The following CARMIL1 variants were observed in gnomAD, a reference collection of about 807,000 sequenced individuals.
CARMIL1 encodes the protein F-actin-uncapping protein LRRC16A.
A neutral mutation model predicts 177.1 loss-of-function variants in CARMIL1; 90 were observed. The observed-to-expected ratio is 0.51, with a 90% CI of 0.43 to 0.61. CARMIL1 has a LOEUF of 0.61. CARMIL1 is among the 20% of genes least tolerant of loss of function. CARMIL1 has a pLI of 0.00. For synonymous variants in CARMIL1, 577 were observed against 606.2 expected (o/e 0.95, Z 0.71); for missense variants, 1,380 against 1,667.0 (o/e 0.83, Z 3.00).
chr6:25,314,181 G>T (rs1403035548), intron 2 of CARMIL1, among the ~76,000 whole-genome samples: 1 of 135,558 alleles, frequency 7.4e-6, no homozygotes, highest in Non-Finnish European at 1.6e-5. Context: ...TTATGCTGTG[G>T]CTCCTGACCT....
intron 30 of CARMIL1, 101 bp from the exon 31 acceptor site, chr6:25,581,142 C>G: frequency 7.7e-7 from 1 of 1,300,934 alleles, no homozygotes; most frequent in Non-Finnish European, 1.1e-6. Flanking sequence ...GTTTGCTATT[C>G]TATGCTAGAC....
chr6:25,589,113 G>A (rs1814059973), intron 31 of CARMIL1, among the ~76,000 whole-genome samples: 1 of 152,178 alleles, frequency 6.6e-6, no homozygotes, highest in Admixed American at 6.5e-5. Context: ...CTCATCTGGT[G>A]CTTAAAAATC....
At chr6:25,505,270 C>G (rs1056849782) in intron 17 of CARMIL1, among the ~76,000 whole-genome samples, 15 of 152,128 alleles carry the variant, frequency 9.9e-5, no homozygotes, top group Non-Finnish European at 1.2e-4. Context: ...GATCCTTATT[C>G]ATTCTCAAAG....
intron 13 of CARMIL1, among the ~76,000 whole-genome samples, chr6:25,489,727 A>AT (rs962153741): frequency 8.6e-5 from 13 of 151,098 alleles, no homozygotes; most frequent in Middle Eastern, 6.8e-3. Flanking sequence ...GCCTTTTTGT[A>AT]TTTTTTTTTC....
intron 11 of CARMIL1, among the ~76,000 whole-genome samples, chr6:25,473,440 A>G (rs1801253910): frequency 6.6e-6 from 1 of 152,228 alleles, no homozygotes; most frequent in Non-Finnish European, 1.5e-5. Context: ...TTTGTATGTT[A>G]TATGTATTAT....
At chr6:25,505,087 T>C (rs892215900) in intron 17 of CARMIL1, among the ~76,000 whole-genome samples, 3 of 152,192 alleles carry the variant, frequency 2.0e-5, no homozygotes, top group African/African-American at 7.2e-5. Flanking sequence ...TTTATAAATA[T>C]TCAGTCTTTA....
intron 2 of CARMIL1, among the ~76,000 whole-genome samples, chr6:25,355,763 A>G (rs1345443118): frequency 6.6e-6 from 1 of 152,186 alleles, no homozygotes; most frequent in Non-Finnish European, 1.5e-5. Context: ...TTCAATTTAA[A>G]ATTTTTTAAT....
intron 2 of CARMIL1, among the ~76,000 whole-genome samples, chr6:25,352,456 A>G (rs543376975): frequency 6.6e-6 from 1 of 152,278 alleles, no homozygotes; most frequent in South Asian, 2.1e-4. Context: ...GTTAACTACT[A>G]GAGAAACCTT....
rs1001116231 is a variant in CARMIL1 at position 25,563,182 on chromosome 6, T to C, written c.2742+6332T>C. The C allele has an allele frequency of 1.4e-5, 14 of 978,402 alleles. No individual in the cohort carries two copies. In the Admixed American group the frequency reaches 1.8e-4, roughly 13 times the overall value. 60.6% of individuals were successfully genotyped at this position (978,402 alleles called of 1,614,324 possible). A position where few individuals can be genotyped will look rare whatever the true frequency, so the allele number is the denominator to read the frequency against. On this transcript the variant is annotated intron_variant, in intron 29 of 36. Transcript: ENST00000329474. Reference sequence around the variant, plus strand: ...AGTGAAATAATTTCTCTAAACTCAGTCTTACTTTTCCTCCCTTAGAAACCT... The same window carrying C: ...AGTGAAATAATTTCTCTAAACTCAGCCTTACTTTTCCTCCCTTAGAAACCT...
chr6:25,587,050 G>A (rs1377662476), intron 31 of CARMIL1, among the ~76,000 whole-genome samples: 1 of 141,022 alleles, frequency 7.1e-6, no homozygotes, highest in Non-Finnish European at 1.5e-5. Flanking sequence ...GGAGAGGGAG[G>A]GGGAGGGGGA....
chr6:25,393,556 C>CA (rs201908574), intron 2 of CARMIL1: 423 of 91,678 alleles, frequency 4.6e-3, no homozygotes, highest in Middle Eastern at 0.018. Flanking sequence ...AACTCCATCT[C>CA]AAAAAAAAAA....
chr6:25,470,070 G>A (rs1800968083), intron 9 of CARMIL1, among the ~76,000 whole-genome samples: 1 of 151,868 alleles, frequency 6.6e-6, no homozygotes, highest in Admixed American at 6.5e-5. Context: ...ATGCATAATA[G>A]TTATATAACT....
At chr6:25,325,271 C>T (rs1340809489) in intron 2 of CARMIL1, among the ~76,000 whole-genome samples, 1 of 152,084 alleles carries the variant, frequency 6.6e-6, no homozygotes, top group East Asian at 1.9e-4. Context: ...TTATGTGAGG[C>T]AGAAGTGTAT....
chr6:25,503,430 T>C (rs538041490), intron 17 of CARMIL1, among the ~76,000 whole-genome samples: 1 of 152,342 alleles, frequency 6.6e-6, no homozygotes, highest in Non-Finnish European at 1.5e-5. Flanking sequence ...GGTTTCAGTT[T>C]GCTTCTCTTC....
intron 36 of CARMIL1, among the ~76,000 whole-genome samples, chr6:25,618,384 G>A (rs1759461154): frequency 1.3e-5 from 2 of 152,128 alleles, no homozygotes; most frequent in South Asian, 2.1e-4. Context: ...GAGTGATGAG[G>A]TAGCTGTACT....
At position 25,279,681 on chromosome 6, in the gene CARMIL1, A is replaced by G; in HGVS notation, c.-115A>G. 5 of 909,144 alleles carry G rather than the reference A, an allele frequency of 5.5e-6. No homozygotes were observed. The highest frequency in any genetic ancestry group is 1.8e-6 in the Non-Finnish European group (1 of 551,544). The allele number at this position is 909,144 out of a possible 1,614,324, so 56.3% of individuals were successfully genotyped here. ...GTCTCCGCCCCCCCTTTTCTTGCCC[A>G]CTTCCATTTGCAAGCTGCATCTGCC... On this transcript the variant is annotated 5_prime_UTR_variant, in exon 1 of 37. Transcript: ENST00000329474.
chr6:25,585,994 C>T (rs960891493), intron 31 of CARMIL1, among the ~76,000 whole-genome samples: 3 of 152,256 alleles, frequency 2.0e-5, no homozygotes, highest in Admixed American at 6.5e-5. Context: ...CCTTTCCCCA[C>T]ATTTCCCCCT....
intron 27 of CARMIL1, among the ~76,000 whole-genome samples, chr6:25,552,807 T>C (rs1403671271): frequency 1.3e-5 from 2 of 152,144 alleles, no homozygotes. Context: ...TGAGGAAGTA[T>C]AATTTCTAAA....
chr6:25,411,676 C>A (rs1021828680), intron 2 of CARMIL1, among the ~76,000 whole-genome samples: 1 of 152,122 alleles, frequency 6.6e-6, no homozygotes, highest in Non-Finnish European at 1.5e-5. Flanking sequence ...TCCATTTCTA[C>A]ATAATGTGAA....
Sources: gnomAD v4.1 joint callset for allele counts (sites outside exome capture counted in the v4.1 genomes callset) on GRCh38, gnomAD v4.1.1 for gene constraint, MANE v1.5 for transcripts, NCBI Gene and HGNC (gene_info 2026-07-23, HGNC 2026-07-21) for gene names.